The following TMEM135 variants were observed in gnomAD, a reference collection of about 807,000 sequenced individuals.
TMEM135 encodes peroxisomal membrane protein 52.
A neutral mutation model predicts 60.3 loss-of-function variants in TMEM135; 30 were observed. The observed-to-expected ratio is 0.50, with a 90% confidence interval of 0.37 to 0.68. The LOEUF (loss-of-function observed/expected upper bound fraction) is 0.68, where lower values mean the gene tolerates loss of function less well. Ranked by LOEUF, TMEM135 falls within the 30% of genes least tolerant of loss-of-function variation. TMEM135 has a pLI of 0.00. For synonymous variants in TMEM135, 190 were observed against 186.7 expected (o/e 1.02, Z -0.14); for missense variants, 468 against 548.8 (o/e 0.85, Z 1.47).
rs565048143 is a variant in TMEM135, at chr11:87,106,194, C to T, written c.396+14799C>T. 7.9e-5 allele frequency among the ~76,000 whole-genome samples: 12 copies of T among 152,000 alleles called. No homozygotes were observed. The South Asian group carries it at 1.0e-3, about 13-fold the overall frequency. On this transcript the variant is annotated intron_variant, in intron 4 of 14. Transcript: ENST00000305494. ...TCTCGGCTCACTGCAACCTCCACCT[C>T]CTGGGTTCAAGTGATTCTCCTGCCT...
intron 4 of TMEM135, among the ~76,000 whole-genome samples, chr11:87,126,333 A>C (rs1937727534): frequency 6.6e-6 from 1 of 152,136 alleles, no homozygotes; most frequent in Admixed American, 6.6e-5. Flanking sequence ...ATGTATATTT[A>C]TATGTATAAA....
intron 3 of TMEM135, among the ~76,000 whole-genome samples, chr11:87,074,069 G>A (rs1026564102): frequency 5.6e-4 from 85 of 152,006 alleles, no homozygotes; most frequent in African/African-American, 2.0e-3. Context: ...GGGTTCAAAC[G>A]GTTTTCCTGT....
chr11:87,133,479 T>C (rs900670991), intron 4 of TMEM135, among the ~76,000 whole-genome samples: 1 of 152,246 alleles, frequency 6.6e-6, no homozygotes, highest in Non-Finnish European at 1.5e-5. Flanking sequence ...AATGGAATCA[T>C]AGACCATGTC....
At chr11:87,268,886 T>G (rs1941805980) in intron 6 of TMEM135, among the ~76,000 whole-genome samples, 1 of 152,140 alleles carries the variant, frequency 6.6e-6, no homozygotes, top group Admixed American at 6.6e-5. Flanking sequence ...GCATCTAGAT[T>G]GAAAAGACAG....
chr11:87,289,881 C>T (rs887811639), intron 6 of TMEM135, among the ~76,000 whole-genome samples: 1 of 152,110 alleles, frequency 6.6e-6, no homozygotes, highest in Non-Finnish European at 1.5e-5. Flanking sequence ...GAACATGCAG[C>T]GTTTAACTTT....
intron 5 of TMEM135, chr11:87,178,573 G>A (rs1015502392): frequency 8.9e-6 from 4 of 451,782 alleles, no homozygotes; most frequent in Non-Finnish European, 1.8e-5. Flanking sequence ...CTACAGGGGT[G>A]CACCATTACA....
intron 5 of TMEM135, among the ~76,000 whole-genome samples, chr11:87,224,287 T>C (rs896098087): frequency 1.3e-5 from 2 of 152,242 alleles, no homozygotes; most frequent in Non-Finnish European, 2.9e-5. Flanking sequence ...AGGGCCACTG[T>C]TGGCCTTTTG....
chr11:87,209,060 G>C (rs760405974), intron 5 of TMEM135, among the ~76,000 whole-genome samples: 2 of 152,168 alleles, frequency 1.3e-5, no homozygotes, highest in African/African-American at 2.4e-5. Context: ...CCTAGAGGGA[G>C]TACTAAACAT....
At chr11:87,142,820 T>C (rs1256115428) in intron 4 of TMEM135, among the ~76,000 whole-genome samples, 2 of 114,034 alleles carry the variant, frequency 1.8e-5, no homozygotes, top group Admixed American at 2.0e-4. Context: ...TGCTCCTTTT[T>C]TCTCTTCCTT....
rs760562134 is a variant in TMEM135 at position 87,038,111 on chromosome 11, C to T, written c.66C>T (p.Ser22=). 2.5e-6 allele frequency: 4 copies of T among 1,614,092 alleles called. No homozygotes were observed. The African/African-American group carries it at 5.3e-5, about 22-fold the overall frequency. Residue 22 remains serine (S), a synonymous_variant, in exon 1 of 15, where the codon TCC becomes TCT. Coordinates refer to ENST00000305494, the MANE Select transcript of TMEM135 (RefSeq NM_022918.4). ...CYEIGHTWHP[S]CRVSFLQITG... Reference sequence around the variant, plus strand: ...AGATCGGCCACACTTGGCACCCTTCCTGCCGGGTCTCCTTCCTGCAGATCA... The same window carrying T: ...AGATCGGCCACACTTGGCACCCTTCTTGCCGGGTCTCCTTCCTGCAGATCA...
chr11:87,145,318 C>T (rs1303169756), intron 4 of TMEM135, among the ~76,000 whole-genome samples: 1 of 152,150 alleles, frequency 6.6e-6, no homozygotes, highest in African/African-American at 2.4e-5. Flanking sequence ...TTTTCTTTAT[C>T]CATTCATCTG....
intron 6 of TMEM135, among the ~76,000 whole-genome samples, chr11:87,270,752 T>G (rs751698027): frequency 6.6e-6 from 1 of 152,204 alleles, no homozygotes; most frequent in Non-Finnish European, 1.5e-5. Flanking sequence ...TTCTATAAAC[T>G]ATTGCTTTTT....
At chr11:87,150,788 G>A (rs1938539053) in intron 4 of TMEM135, among the ~76,000 whole-genome samples, 1 of 151,962 alleles carries the variant, frequency 6.6e-6, no homozygotes, top group African/African-American at 2.4e-5. Flanking sequence ...TTGTTATCTT[G>A]TTCCGGTCTT....
chr11:87,177,384 T>G (rs2135298006), intron 5 of TMEM135, among the ~76,000 whole-genome samples: 1 of 152,298 alleles, frequency 6.6e-6, no homozygotes, highest in South Asian at 2.1e-4. Flanking sequence ...AAGTATTTGG[T>G]GTTCATTATG....
intron 4 of TMEM135, among the ~76,000 whole-genome samples, chr11:87,130,592 A>G (rs1215140183): frequency 6.6e-6 from 1 of 152,096 alleles, no homozygotes; most frequent in East Asian, 1.9e-4. Flanking sequence ...GGGTATCGCT[A>G]TCATTATCAA....
intron 6 of TMEM135, among the ~76,000 whole-genome samples, chr11:87,247,518 C>T (rs1312644197): frequency 2.0e-5 from 3 of 152,152 alleles, no homozygotes; most frequent in Non-Finnish European, 4.4e-5. Flanking sequence ...CCAGTTCGAG[C>T]TTCCCAGCTG....
intron 1 of TMEM135, among the ~76,000 whole-genome samples, chr11:87,055,150 G>T (rs1368740128): frequency 2.6e-5 from 4 of 152,112 alleles, no homozygotes; most frequent in Admixed American, 2.0e-4. Context: ...AGTGTAGAGG[G>T]TTTGGGAAGC....
At chr11:87,088,894 A>G (rs1033910598) in intron 3 of TMEM135, among the ~76,000 whole-genome samples, 2 of 152,244 alleles carry the variant, frequency 1.3e-5, no homozygotes, top group Non-Finnish European at 2.9e-5. Context: ...ACAACATAAT[A>G]ACCTTAGTTA....
intron 4 of TMEM135, among the ~76,000 whole-genome samples, chr11:87,117,066 C>G (rs1857907137): frequency 3.3e-5 from 5 of 152,132 alleles, no homozygotes; most frequent in Admixed American, 3.3e-4. Flanking sequence ...CATGATCCAC[C>G]TGCCTCGGCC....
Sources: gnomAD v4.1 joint callset for allele counts (sites outside exome capture counted in the v4.1 genomes callset) on GRCh38, gnomAD v4.1.1 for gene constraint, MANE v1.5 for transcripts, NCBI Gene and HGNC (gene_info 2026-07-23, HGNC 2026-07-21) for gene names.